RAPGEF2: variants seen among roughly 807,000 people sequenced by gnomAD.
RAPGEF2 encodes the protein Rap guanine nucleotide exchange factor 2, also known as PDZ domain containing guanine nucleotide exchange factor (GEF) 1.
Under a neutral mutation model 186.7 loss-of-function variants are expected in RAPGEF2, and 54 were observed. That is an observed-to-expected ratio of 0.29 (90% confidence interval 0.23 to 0.36). The LOEUF (loss-of-function observed/expected upper bound fraction) is 0.36. Ranked by LOEUF, RAPGEF2 falls within the 10% of genes least tolerant of loss-of-function variation. The pLI, the probability that RAPGEF2 is intolerant of heterozygous loss-of-function variation, is 1.00. For synonymous variants in RAPGEF2, 712 were observed against 705.9 expected (o/e 1.01, Z -0.14); for missense variants, 1,532 against 2,045.0 (o/e 0.75, Z 4.84).
Position 159,261,101 on chromosome 4 carries a change from C to T in RAPGEF2, c.543+17310C>T, listed in dbSNP as rs188048988. Among the ~76,000 whole-genome samples the T allele has an allele frequency of 7.5e-3, 1,128 of 150,252 alleles. 12 individuals are homozygous for T. Among genetic ancestry groups the T allele is most frequent in the African/African-American group, 0.026 (1,056 of 40,934 alleles). ...TTTTTTAGACGGAGTCACTCTGTCA[C>T]CCAGGCTGGAAGTGCAGTGGTGCAA... On this transcript the variant is annotated intron_variant, in intron 7 of 29. Coordinates refer to ENST00000691494, the MANE Select transcript of RAPGEF2 (RefSeq NM_001394067.2).
chr4:159,228,921 T>C (rs538681973), intron 4 of RAPGEF2, among the ~76,000 whole-genome samples: 4 of 152,342 alleles, frequency 2.6e-5, no homozygotes, highest in Non-Finnish European at 4.4e-5. Context: ...AGAATGGAAT[T>C]GATGGCATCA....
intron 9 of RAPGEF2, among the ~76,000 whole-genome samples, chr4:159,321,140 A>T (rs892127218): frequency 3.3e-5 from 5 of 151,242 alleles, no homozygotes; most frequent in Non-Finnish European, 7.4e-5. Context: ...TGTGCTCTTT[A>T]CCACTCCCTT....
At chr4:159,289,552 T>G (rs528377119) in intron 7 of RAPGEF2, among the ~76,000 whole-genome samples, 3 of 152,206 alleles carry the variant, frequency 2.0e-5, no homozygotes, top group Non-Finnish European at 4.4e-5. Context: ...AGCCTCAATA[T>G]CTTCTACTTT....
intron 8 of RAPGEF2, among the ~76,000 whole-genome samples, chr4:159,313,899 A>G (rs574397274): frequency 2.0e-5 from 3 of 152,256 alleles, no homozygotes; most frequent in African/African-American, 7.2e-5. Flanking sequence ...AGCTAGTTCA[A>G]CAAAAGAGGC....
chr4:159,357,010 T>C (rs577463566), intron 29 of RAPGEF2, among the ~76,000 whole-genome samples: 12 of 152,262 alleles, frequency 7.9e-5, no homozygotes, highest in Admixed American at 6.5e-4. Context: ...GTGGAAACAT[T>C]ATATTTGCGC....
chr4:159,251,015 G>T (rs1428989820), intron 7 of RAPGEF2, among the ~76,000 whole-genome samples: 1 of 152,240 alleles, frequency 6.6e-6, no homozygotes, highest in African/African-American at 2.4e-5. Context: ...CCTGCACTCA[G>T]AGTGGCCCGC....
intron 7 of RAPGEF2, among the ~76,000 whole-genome samples, chr4:159,303,173 A>T (rs1762872442): frequency 6.6e-6 from 1 of 152,142 alleles, no homozygotes; most frequent in Non-Finnish European, 1.5e-5. Flanking sequence ...GCCTACTTGG[A>T]GCTCCGAAGT....
rs113271043 is a variant in RAPGEF2 at position 159,343,925 on chromosome 4, T to C, written c.3255-111T>C. The C allele has an allele frequency of 2.7e-3, 2,927 of 1,081,832 alleles. 40 individuals carry two copies. In the African/African-American group the frequency reaches 0.039, roughly 14 times the overall value. The allele number at this position is 1,081,832 out of a possible 1,614,324, so 67.0% of individuals were successfully genotyped here. On this transcript the variant is annotated intron_variant, in intron 22 of 29. Transcript: ENST00000691494. Reference sequence around the variant, plus strand: ...AGGTGATTATGCAGTTTAATGTTTGTGGGCTTCTAGAACTGCTTATCCAGA... The same window carrying C: ...AGGTGATTATGCAGTTTAATGTTTGCGGGCTTCTAGAACTGCTTATCCAGA...
Position 159,322,498 on chromosome 4 carries a change from C to G in RAPGEF2, c.990+15C>G. 1 of 1,608,114 alleles carries G rather than the reference C, an allele frequency of 6.2e-7. No homozygotes were observed. The highest frequency in any genetic ancestry group is 8.5e-7 in the Non-Finnish European group (1 of 1,176,026). ...ATGGTGAAGAGGTGAGTAACTATTC[C>G]TACCACTTAAAAAGTTTCTTCTTAA... On this transcript the variant is annotated intron_variant, in intron 10 of 29. Coordinates refer to ENST00000691494, the MANE Select transcript of RAPGEF2 (RefSeq NM_001394067.2).
intron 7 of RAPGEF2, among the ~76,000 whole-genome samples, chr4:159,262,527 A>G (rs890659401): frequency 6.6e-6 from 1 of 152,200 alleles, no homozygotes; most frequent in African/African-American, 2.4e-5. Context: ...CCTTTTTAAA[A>G]GATAGATTCT....
At chr4:159,256,702 C>A (rs1212031677) in intron 7 of RAPGEF2, among the ~76,000 whole-genome samples, 1 of 152,176 alleles carries the variant, frequency 6.6e-6, no homozygotes, top group Non-Finnish European at 1.5e-5. Context: ...ACCTCACAGG[C>A]ATCTGTTGTT....
At chr4:159,285,047 A>G (rs1760277237) in intron 7 of RAPGEF2, among the ~76,000 whole-genome samples, 1 of 152,210 alleles carries the variant, frequency 6.6e-6, no homozygotes, top group African/African-American at 2.4e-5. Context: ...TCAAAAAAAG[A>G]AAAGAAAAGA....
chr4:159,237,321 G>A (rs1181659746), intron 4 of RAPGEF2, among the ~76,000 whole-genome samples: 1 of 152,054 alleles, frequency 6.6e-6, no homozygotes, highest in Non-Finnish European at 1.5e-5. Context: ...GCGCGTGGCC[G>A]GAAATGATTT....
At chr4:159,338,201 T>G in intron 17 of RAPGEF2, 110 bp from the exon 18 acceptor site, 6 of 940,024 alleles carry the variant, frequency 6.4e-6, no homozygotes, top group Non-Finnish European at 9.1e-6. Flanking sequence ...TGTTTTTACA[T>G]GAGCTGCAAA....
At chr4:159,291,075 C>G (rs942241289) in intron 7 of RAPGEF2, among the ~76,000 whole-genome samples, 1 of 152,150 alleles carries the variant, frequency 6.6e-6, no homozygotes, top group African/African-American at 2.4e-5. Flanking sequence ...TTTTTGTTAG[C>G]AACTTAAGAA....
rs1368148575 is a variant in RAPGEF2 at position 159,330,241 on chromosome 4, ATATATGTGTGTGTGTATATG to A, written c.1303-77_1303-58del. On this transcript the variant is annotated intron_variant, in intron 12 of 29. Transcript: ENST00000691494. ...GAAATCCCAGTACCATATAAATGTC[ATATATGTGTGTGTGTATATG>A]TATATGTGTGTGTGTGTGTGTGTGT... The A allele has an allele frequency of 4.0e-3, 3,370 of 852,556 alleles. 41 individuals carry two copies. Among genetic ancestry groups the A allele is most frequent in the Non-Finnish European group, 6.2e-4 (355 of 568,546 alleles). 52.8% of individuals were successfully genotyped at this position (852,556 alleles called of 1,614,324 possible).
chr4:159,198,556 G>A (rs948465934), intron 3 of RAPGEF2, among the ~76,000 whole-genome samples: 4 of 151,182 alleles, frequency 2.6e-5, no homozygotes, highest in African/African-American at 7.3e-5. Context: ...AGCCATTCTC[G>A]TGCCTCAGCC....
At chr4:159,210,636 G>A in intron 4 of RAPGEF2, 53 bp downstream of exon 4, 1 of 1,350,496 alleles carries the variant, frequency 7.4e-7, no homozygotes, top group South Asian at 1.3e-5. Context: ...AAATTCTTTT[G>A]CAGAATTCAG....
At position 159,341,837 on chromosome 4, in the gene RAPGEF2, T is replaced by G; in HGVS notation, c.2808T>G (p.Ile936Met). Reference protein sequence around the residue: ...NQETFWVASEILRETNQLKRM... With the variant: ...NQETFWVASEMLRETNQLKRM... Reference sequence around the variant, plus strand: ...AAACATTTTGGGTAGCATCTGAAATTCTCAGAGAAACAAACCAGCTGAAGA... The same window carrying G: ...AAACATTTTGGGTAGCATCTGAAATGCTCAGAGAAACAAACCAGCTGAAGA... Residue 936 changes from isoleucine to methionine, a missense_variant, in exon 20 of 30, where the codon ATT (isoleucine) becomes ATG (methionine). Ile to Met is a conservative substitution (Grantham distance 10). This residue lies in a region of RAPGEF2 where 810 missense variants were observed against 1,210.5 expected (regional missense o/e 0.67). Coordinates refer to ENST00000691494, the MANE Select transcript of RAPGEF2 (RefSeq NM_001394067.2). 8 of 1,613,380 alleles carry G rather than the reference T, an allele frequency of 5.0e-6. No homozygotes were observed. Among genetic ancestry groups the G allele is most frequent in the Non-Finnish European group, 6.8e-6 (8 of 1,179,826 alleles).
Sources: gnomAD v4.1 joint callset for allele counts (sites outside exome capture counted in the v4.1 genomes callset) on GRCh38, gnomAD v4.1.1 for gene constraint, gnomAD v4.1.1 regional missense constraint, MANE v1.5 for transcripts, NCBI Gene and HGNC (gene_info 2026-07-23, HGNC 2026-07-21) for gene names.